The following LRRC4C variants were observed in gnomAD, a reference collection of about 807,000 sequenced individuals.
The protein encoded by LRRC4C is leucine rich repeat containing 4C.
LRRC4C carries 5 observed loss-of-function variants against 33.6 expected under a neutral mutation model. The ratio of observed to expected loss-of-function variants is 0.15; its 90% CI spans 0.08 to 0.31. LRRC4C has a LOEUF of 0.31. LRRC4C is among the 10% of genes least tolerant of loss of function. The pLI is 1.00. For missense variants in LRRC4C, 560 were observed against 796.7 expected (o/e 0.70, Z 3.58); for synonymous variants, 329 against 302.0 (o/e 1.09, Z -0.93).
intron 4 of LRRC4C, among the ~76,000 whole-genome samples, chr11:40,304,879 C>G (rs1944953356): frequency 6.6e-6 from 1 of 152,114 alleles, no homozygotes; most frequent in African/African-American, 2.4e-5. Flanking sequence ...GCACTCCTGC[C>G]TCAGCCTCCC....
chr11:40,551,987 G>T (rs1044158406), intron 3 of LRRC4C, among the ~76,000 whole-genome samples: 1 of 152,150 alleles, frequency 6.6e-6, no homozygotes, highest in Non-Finnish European at 1.5e-5. Flanking sequence ...CCAATTCATT[G>T]ACATTCTTAA....
chr11:40,690,493 C>T (rs1945173980), intron 2 of LRRC4C, among the ~76,000 whole-genome samples: 1 of 152,030 alleles, frequency 6.6e-6, no homozygotes, highest in South Asian at 2.1e-4. Context: ...AGTTGGAAAG[C>T]TTTATAGGCG....
At chr11:41,041,356 G>T (rs1857422230) in intron 1 of LRRC4C, among the ~76,000 whole-genome samples, 1 of 152,094 alleles carries the variant, frequency 6.6e-6, no homozygotes, top group Non-Finnish European at 1.5e-5. Context: ...ATGAGAGAAA[G>T]GATATAAAAG....
At chr11:40,607,972 T>G (rs771082819) in intron 3 of LRRC4C, among the ~76,000 whole-genome samples, 1 of 152,150 alleles carries the variant, frequency 6.6e-6, no homozygotes, top group Non-Finnish European at 1.5e-5. Context: ...CCACTTCTCC[T>G]GTTGCATGCC....
chr11:41,337,212 C>A (rs982161079), intron 1 of LRRC4C, among the ~76,000 whole-genome samples: 15 of 151,814 alleles, frequency 9.9e-5, no homozygotes, highest in African/African-American at 3.6e-4. Context: ...GCCCAGCGAA[C>A]TAAAAACAAA....
chr11:41,427,400 C>T (rs1469850282), intron 1 of LRRC4C, among the ~76,000 whole-genome samples: 2 of 151,930 alleles, frequency 1.3e-5, no homozygotes, highest in Non-Finnish European at 2.9e-5. Context: ...AAGAGATAGA[C>T]AATAAAAAGT....
rs150432753 is a variant in LRRC4C at position 40,952,193 on chromosome 11, T to C, written c.-495-18470A>G. Reference sequence around the variant, plus strand: ...TGTGAGTGACTAAGTAATTTGCATATACATGACAGTTAGTGAGCCAAAGAA... The same window carrying C: ...TGTGAGTGACTAAGTAATTTGCATACACATGACAGTTAGTGAGCCAAAGAA... On this transcript the variant is annotated intron_variant, in intron 1 of 6. Transcript: ENST00000528697. Among the ~76,000 whole-genome samples, 46 of 152,020 alleles carry C rather than the reference T, an allele frequency of 3.0e-4. 2 individuals carry two copies. In the East Asian group the frequency reaches 8.0e-3, roughly 26 times the overall value.
intron 3 of LRRC4C, among the ~76,000 whole-genome samples, chr11:40,501,348 G>C (rs1231343039): frequency 6.6e-6 from 1 of 152,172 alleles, no homozygotes; most frequent in Non-Finnish European, 1.5e-5. Context: ...CAGCACCCCA[G>C]TGGGGACTCT....
intron 1 of LRRC4C, among the ~76,000 whole-genome samples, chr11:41,126,778 C>G (rs1942763919): frequency 6.6e-6 from 1 of 151,954 alleles, no homozygotes; most frequent in South Asian, 2.1e-4. Context: ...TGTGGGGAGA[C>G]AGCCTTTCTG....
At chr11:41,138,160 A>C (rs902169965) in intron 1 of LRRC4C, among the ~76,000 whole-genome samples, 5 of 152,246 alleles carry the variant, frequency 3.3e-5, no homozygotes, top group Admixed American at 2.6e-4. Flanking sequence ...GAGCAATCAG[A>C]TCCATATGCT....
Position 40,323,696 on chromosome 11 carries a change from A to G in LRRC4C, c.-269-3975T>C, listed in dbSNP as rs192881413. Among the ~76,000 whole-genome samples the G allele has an allele frequency of 2.3e-4, 35 of 152,264 alleles. 1 individual carries two copies. In the East Asian group the frequency reaches 6.4e-3, roughly 28 times the overall value. On this transcript the variant is annotated intron_variant, in intron 3 of 6. Transcript: ENST00000528697. Reference sequence around the variant, plus strand: ...CTTTTTTCCTCTTATGGATTTTTTCATCAAATATTTCTAGAGCACCTATTC... The same window carrying G: ...CTTTTTTCCTCTTATGGATTTTTTCGTCAAATATTTCTAGAGCACCTATTC...
chr11:40,336,729 C>T (rs963059266), intron 3 of LRRC4C, among the ~76,000 whole-genome samples: 53 of 152,114 alleles, frequency 3.5e-4, no homozygotes, highest in African/African-American at 1.2e-3. Context: ...GTAATCCCAG[C>T]ACTTTGGGAG....
At chr11:40,764,223 C>A (rs1949350485) in intron 2 of LRRC4C, among the ~76,000 whole-genome samples, 3 of 152,150 alleles carry the variant, frequency 2.0e-5, no homozygotes, top group Admixed American at 2.0e-4. Context: ...CAGAAGGAAA[C>A]CTGTTGCCTT....
At chr11:40,665,369 T>A (rs1325680704) in intron 2 of LRRC4C, among the ~76,000 whole-genome samples, 4 of 64,318 alleles carry the variant, frequency 6.2e-5, no homozygotes, top group African/African-American at 2.0e-4. Context: ...TATATGTATA[T>A]ATATATATAT....
rs982728508 is a variant in LRRC4C at position 40,781,019 on chromosome 11, T to C, written c.-406-132741A>G. 2.0e-5 allele frequency among the ~76,000 whole-genome samples: 3 copies of C among 152,138 alleles called. No individual in the cohort carries two copies. In the East Asian group the frequency reaches 5.8e-4, roughly 29 times the overall value. ...TGGGAAATAGGCAATTTTGTCATCG[T>C]GCAAGCATCAGAGAGTGTACTTTCA... On this transcript the variant is annotated intron_variant, in intron 2 of 6. Transcript: ENST00000528697.
At chr11:41,046,857 G>T (rs1857809637) in intron 1 of LRRC4C, among the ~76,000 whole-genome samples, 1 of 152,082 alleles carries the variant, frequency 6.6e-6, no homozygotes, top group Non-Finnish European at 1.5e-5. Flanking sequence ...CAATATGACA[G>T]CTATTGACTA....
chr11:40,426,627 T>TA (rs1287800411), intron 3 of LRRC4C, among the ~76,000 whole-genome samples: 1 of 152,178 alleles, frequency 6.6e-6, no homozygotes, highest in Non-Finnish European at 1.5e-5. Flanking sequence ...ATTTATTTAT[T>TA]AAGTGTATAT....
intron 2 of LRRC4C, among the ~76,000 whole-genome samples, chr11:40,767,272 T>C (rs1949521006): frequency 6.6e-6 from 1 of 151,908 alleles, no homozygotes; most frequent in African/African-American, 2.4e-5. Flanking sequence ...AGCAAAATAG[T>C]ATAACAATTT....
chr11:41,379,536 A>G (rs1953064472), intron 1 of LRRC4C, among the ~76,000 whole-genome samples: 1 of 152,158 alleles, frequency 6.6e-6, no homozygotes, highest in Non-Finnish European at 1.5e-5. Context: ...TTTTATATAA[A>G]TAATATAGAA....
Sources: gnomAD v4.1 joint callset for allele counts (sites outside exome capture counted in the v4.1 genomes callset) on GRCh38, gnomAD v4.1.1 for gene constraint, MANE v1.5 for transcripts, NCBI Gene and HGNC (gene_info 2026-07-23, HGNC 2026-07-21) for gene names.